Variants in PLEKHA7 observed in about 807,000 individuals in gnomAD.
The protein encoded by PLEKHA7 is pleckstrin homology domain containing A7.
A neutral mutation model predicts 170.0 loss-of-function variants in PLEKHA7; 104 were observed. The observed-to-expected ratio is 0.61, with a 90% CI of 0.52 to 0.72. PLEKHA7 has a LOEUF of 0.72. PLEKHA7 is among the 30% of genes least tolerant of loss of function. The probability of loss-of-function intolerance (pLI) is 0.00; values close to 1 mark genes in which losing one functional copy is unlikely to be tolerated. For synonymous variants in PLEKHA7, 648 were observed against 660.8 expected (o/e 0.98, Z 0.30); for missense variants, 1,615 against 1,671.7 (o/e 0.97, Z 0.59).
At position 16,905,710 on chromosome 11, in the gene PLEKHA7, A is replaced by C. The variant is rs541402534; in HGVS notation, c.222-34528T>G. Among the ~76,000 whole-genome samples, 29 of 152,324 alleles carry C rather than the reference A, an allele frequency of 1.9e-4. No individual in the cohort carries two copies. The South Asian group carries it at 6.0e-3, about 32-fold the overall frequency. ...ACTGTCTCTGTATTTCATTCCCTTAAGCATTCTTCCCCAAAGCTCCCACTC... is the reference window on the plus strand; with the variant it reads ...ACTGTCTCTGTATTTCATTCCCTTACGCATTCTTCCCCAAAGCTCCCACTC... On this transcript the variant is annotated intron_variant, in intron 3 of 26. Coordinates refer to ENST00000531066, the MANE Select transcript of PLEKHA7 (RefSeq NM_001329630.2).
rs1330824958 is a variant in PLEKHA7 at position 16,782,817 on chromosome 11, G to A, written c.3730C>T (p.Arg1244Cys). The A allele has an allele frequency of 1.2e-5, 19 of 1,536,036 alleles. No individual in the cohort carries two copies. Among genetic ancestry groups the A allele is most frequent in the Middle Eastern group, 1.7e-4 (1 of 6,012 alleles). ...DLDLQLQEQE[R>C]IINISYALAS... ...AGGGCGTAGGAGATGTTGATGATGC[G>A]CTCCTGCTCCTGCAGCTGCAAGTCC... Residue 1244 changes from arginine to cysteine, a missense_variant, in exon 26 of 27, where the codon CGC becomes TGC. Coordinates refer to ENST00000531066, the MANE Select transcript of PLEKHA7 (RefSeq NM_001329630.2).
intron 17 of PLEKHA7, among the ~76,000 whole-genome samples, chr11:16,797,442 A>G (rs1324326347): frequency 6.6e-6 from 1 of 152,174 alleles, no homozygotes; most frequent in Admixed American, 6.5e-5. Context: ...AGGGCCTGGC[A>G]CTTAGCAGGT....
chr11:16,789,658 G>T lies in PLEKHA7; in HGVS notation c.3156+117C>A. On this transcript the variant is annotated intron_variant, in intron 22 of 26. Coordinates refer to ENST00000531066, the MANE Select transcript of PLEKHA7 (RefSeq NM_001329630.2). This position sits in a 1 kb window ranked among gnomAD's most constrained non-coding sequence, Gnocchi z 4.6. The stretch of plus-strand genomic sequence containing the variant: ...TGACAGGGAGCTCAGGAGGGGCTGA[G>T]GCCACCCCAGAGGCCATCCCCAGGG... 1.1e-6 allele frequency: 1 copy of T among 877,824 alleles called. No homozygotes were observed. The highest frequency in any genetic ancestry group is 1.7e-6 in the Non-Finnish European group (1 of 572,658). 54.4% of individuals were successfully genotyped at this position (877,824 alleles called of 1,614,324 possible).
chr11:16,953,747 G>T (rs914546764), intron 3 of PLEKHA7, among the ~76,000 whole-genome samples: 2 of 152,180 alleles, frequency 1.3e-5, no homozygotes, highest in Non-Finnish European at 1.5e-5. Flanking sequence ...ACTGGAAAGG[G>T]CAGTGTTTTT....
intron 26 of PLEKHA7, among the ~76,000 whole-genome samples, chr11:16,779,827 G>A (rs771463831): frequency 4.6e-4 from 70 of 152,192 alleles, no homozygotes; most frequent in Non-Finnish European, 8.2e-4. Flanking sequence ...GAGCTGCTCG[G>A]GGCGGCCCAG....
rs114001471 is a variant in PLEKHA7, at chr11:16,807,538, T to C, written c.2008-4243A>G. ...ATTTCAGTGTTCATTTCCTTCCTGG[T>C]TCTGCGGCAGAAGGCAAGGAGGAAC... On this transcript the variant is annotated intron_variant, in intron 13 of 26. Transcript: ENST00000531066. 6.3e-3 allele frequency among the ~76,000 whole-genome samples: 956 copies of C among 152,244 alleles called. 8 individuals carry two copies. The highest frequency in any genetic ancestry group is 0.022 in the African/African-American group (911 of 41,524).
At chr11:16,835,608 G>A (rs779953314) in intron 9 of PLEKHA7, among the ~76,000 whole-genome samples, 8 of 152,172 alleles carry the variant, frequency 5.3e-5, no homozygotes, top group Admixed American at 3.9e-4. Context: ...TCAGGCACTG[G>A]ACTAAGTAAG....
intron 3 of PLEKHA7, among the ~76,000 whole-genome samples, chr11:16,895,127 C>T (rs1856919351): frequency 6.6e-6 from 1 of 152,112 alleles, no homozygotes; most frequent in African/African-American, 2.4e-5. Flanking sequence ...CGATTCCTTA[C>T]ATTTCTAAGG....
intron 3 of PLEKHA7, among the ~76,000 whole-genome samples, chr11:16,934,325 G>A (rs1266336078): frequency 2.6e-5 from 4 of 152,056 alleles, no homozygotes; most frequent in Admixed American, 6.6e-5. Context: ...TGCCAACCTC[G>A]CTTGATAAAA....
chr11:16,822,733 C>T (rs1307774560), intron 10 of PLEKHA7, among the ~76,000 whole-genome samples: 1 of 152,118 alleles, frequency 6.6e-6, no homozygotes, highest in Non-Finnish European at 1.5e-5. Flanking sequence ...TGCAACTGTG[C>T]TCTCTCAGTT....
chr11:16,942,989 T>C (rs1244286276), intron 3 of PLEKHA7, among the ~76,000 whole-genome samples: 1 of 152,244 alleles, frequency 6.6e-6, no homozygotes, highest in African/African-American at 2.4e-5. Flanking sequence ...ATAACTGTTC[T>C]AGATGTCCAC....
intron 26 of PLEKHA7, among the ~76,000 whole-genome samples, chr11:16,782,442 T>A (rs1476584736): frequency 6.6e-6 from 1 of 152,188 alleles, no homozygotes; most frequent in East Asian, 1.9e-4. Context: ...TTGAAAAACC[T>A]GTTCTTAGCT....
At chr11:16,849,660 A>C (rs1176296043) in intron 8 of PLEKHA7, among the ~76,000 whole-genome samples, 1 of 152,210 alleles carries the variant, frequency 6.6e-6, no homozygotes, top group African/African-American at 2.4e-5. Context: ...TTCAGGGCCA[A>C]GTTCTGCCTC....
intron 3 of PLEKHA7, among the ~76,000 whole-genome samples, chr11:16,960,711 G>C (rs1862006078): frequency 6.6e-6 from 1 of 152,056 alleles, no homozygotes; most frequent in Non-Finnish European, 1.5e-5. Flanking sequence ...TCAGCCACAG[G>C]AGAGGTGCTT....
intron 3 of PLEKHA7, among the ~76,000 whole-genome samples, chr11:17,001,684 G>C (rs140635576): frequency 1.3e-5 from 2 of 151,972 alleles, no homozygotes; most frequent in Non-Finnish European, 2.9e-5. Context: ...CCCAGGAAGA[G>C]ACTGCACACT....
intron 3 of PLEKHA7, among the ~76,000 whole-genome samples, chr11:16,961,319 C>T (rs771212507): frequency 6.6e-6 from 1 of 152,200 alleles, no homozygotes; most frequent in Non-Finnish European, 1.5e-5. Context: ...GCCGCCCAAG[C>T]GCCTTGAGGT....
chr11:16,923,877 G>T (rs749013654), intron 3 of PLEKHA7, among the ~76,000 whole-genome samples: 1 of 151,990 alleles, frequency 6.6e-6, no homozygotes, highest in Non-Finnish European at 1.5e-5. Context: ...CCACCCTTCC[G>T]TTAACAGGAC....
chr11:16,914,615 G>A (rs1006186008), intron 3 of PLEKHA7, among the ~76,000 whole-genome samples: 2 of 152,180 alleles, frequency 1.3e-5, no homozygotes, highest in African/African-American at 2.4e-5. Context: ...TGAAAGGCAA[G>A]GGAGAAATGT....
chr11:16,959,459 T>C (rs1861911491), intron 3 of PLEKHA7, among the ~76,000 whole-genome samples: 1 of 152,216 alleles, frequency 6.6e-6, no homozygotes, highest in Admixed American at 6.5e-5. Context: ...TTTAATAAAA[T>C]TCACAGAGCC....
Sources: allele counts gnomAD v4.1 joint callset (sites outside exome capture counted in the v4.1 genomes callset), GRCh38; gene constraint gnomAD v4.1.1; non-coding constraint Gnocchi (gnomAD v3.1); transcripts MANE v1.5; gene names NCBI Gene and HGNC (gene_info 2026-07-23, HGNC 2026-07-21).